TMEM243: variants seen among roughly 807,000 people sequenced by gnomAD.
TMEM243 encodes MDR1 and mitochondrial taxol resistance associated.
Under a neutral mutation model 15.0 loss-of-function variants are expected in TMEM243, and 20 were observed. That is an observed-to-expected ratio of 1.33 (90% CI 0.94 to 1.93). TMEM243 has a LOEUF of 1.93. Among genes scored for constraint, TMEM243 ranks in the 30% most tolerant of loss-of-function variants. The pLI is 0.00. For synonymous variants in TMEM243, 72 were observed against 52.7 expected, an observed-to-expected ratio of 1.37 and a Z score of -1.59; for missense variants, 156 against 142.1, an observed-to-expected ratio of 1.10 and a Z score of -0.50.
intron 1 of TMEM243, 80 bp from the exon 2 acceptor site, chr7:87,199,137 T>C: frequency 8.4e-7 from 1 of 1,186,830 alleles, no homozygotes; most frequent in South Asian, 1.5e-5. Flanking sequence ...GGCATTTGGA[T>C]GGTTTACTAT....
intron 1 of TMEM243, among the ~76,000 whole-genome samples, chr7:87,209,739 A>AGAGCGAGACACAGT: frequency 6.9e-6 from 1 of 144,850 alleles, no homozygotes; most frequent in South Asian, 2.2e-4. Context: ...AGACACAGTG[A>AGAGCGAGACACAGT]GAGCGAGACA....
rs1316157066 is a variant in TMEM243, at chr7:87,217,439, C to T, written c.78+1987G>A. 3.3e-5 allele frequency among the ~76,000 whole-genome samples: 5 copies of T among 152,316 alleles called. No homozygotes were observed. In the East Asian group the frequency reaches 9.6e-4, roughly 29 times the overall value. On this transcript the variant is annotated intron_variant, in intron 1 of 3. Transcript: ENST00000257637. Reference sequence around the variant, plus strand: ...ACCCTTTCACTATTGAGGCTCCATTCCTGGGCCTTACCCTCCTCAGGCCCT... The same window carrying T: ...ACCCTTTCACTATTGAGGCTCCATTTCTGGGCCTTACCCTCCTCAGGCCCT...
At position 87,219,266 on chromosome 7, in the gene TMEM243, T is replaced by C. The variant is rs181919082; in HGVS notation, c.78+160A>G. On this transcript the variant is annotated intron_variant, in intron 1 of 3. Transcript: ENST00000257637. ...AACCATGTCCCAAAGCAGGCGACGATTGGCCGGGCAAACATCTTGAGAGGG... is the reference window on the plus strand; with the variant it reads ...AACCATGTCCCAAAGCAGGCGACGACTGGCCGGGCAAACATCTTGAGAGGG... 5.1e-3 allele frequency among the ~76,000 whole-genome samples: 779 copies of C among 152,292 alleles called. 7 individuals carry two copies. The highest frequency in any genetic ancestry group is 7.6e-3 in the Non-Finnish European group (519 of 68,016).
chr7:87,207,732 T>C (rs914762825), intron 1 of TMEM243, among the ~76,000 whole-genome samples: 5 of 152,180 alleles, frequency 3.3e-5, no homozygotes, highest in Non-Finnish European at 7.3e-5. Flanking sequence ...TTCTAAACTT[T>C]CTATGTGATT....
intron 1 of TMEM243, among the ~76,000 whole-genome samples, chr7:87,214,285 C>G (rs1802956767): frequency 1.3e-5 from 2 of 152,194 alleles, no homozygotes; most frequent in Non-Finnish European, 2.9e-5. Flanking sequence ...ATTTAGTGCT[C>G]TTCTAACACA....
rs970736195 is a variant in TMEM243, at chr7:87,196,392, A to AT, written c.*243dup. 2.0e-5 allele frequency: 7 copies of AT among 346,774 alleles called. No individual in the cohort carries two copies. The South Asian group carries it at 2.9e-4, about 14-fold the overall frequency. The allele number at this position is 346,774 out of a possible 1,614,324, so 21.5% of individuals were successfully genotyped here. On this transcript the variant is annotated 3_prime_UTR_variant, in exon 4 of 4. Transcript: ENST00000257637. ...ATAAAAATTTCATTTCAAAAGTGAA[A>AT]TTTTTTTGTGCTGTTTTAGCTTTAA...
chr7:87,219,379 A>G (rs760330920), intron 1 of TMEM243, 47 bp downstream of exon 1: 6 of 1,582,768 alleles, frequency 3.8e-6, no homozygotes, highest in Admixed American at 1.7e-5. Flanking sequence ...GAGGGCAGGC[A>G]GCAGACACAC....
At chr7:87,209,108 G>A (rs1299388074) in intron 1 of TMEM243, among the ~76,000 whole-genome samples, 1 of 152,176 alleles carries the variant, frequency 6.6e-6, no homozygotes, top group Non-Finnish European at 1.5e-5. Context: ...GCTTTCCTCA[G>A]GTTCCCAGTC....
At chr7:87,204,232 C>A (rs577808804) in intron 1 of TMEM243, among the ~76,000 whole-genome samples, 1 of 152,166 alleles carries the variant, frequency 6.6e-6, no homozygotes, top group Non-Finnish European at 1.5e-5. Context: ...CCACCAGGTC[C>A]CTCCCACAAC....
Position 87,197,992 on chromosome 7 carries a change from A to T in TMEM243, c.183T>A (p.Asn61Lys), listed in dbSNP as rs751211020. 16 of 1,612,890 alleles carry T rather than the reference A, an allele frequency of 9.9e-6. No homozygotes were observed. The highest frequency in any genetic ancestry group is 1.7e-5 in the Admixed American group (1 of 59,938). Residue 61 changes from asparagine (N) to lysine (K), a missense_variant, in exon 3 of 4, where the codon AAT becomes AAA. Coordinates refer to ENST00000257637, the MANE Select transcript of TMEM243 (RefSeq NM_024315.4). ...AAGAGATGCAGACAGCAAAGAATAT[A>T]TTCAACGGTTTTGGAGGTAGTTGAG... ...VFPQLPPKPL[N>K]IFFAVCISLS...
Position 87,196,648 on chromosome 7 carries a change from A to G in TMEM243, c.345T>C (p.Asp115=), listed in dbSNP as rs2129215784. 1 of 1,609,002 alleles carries G rather than the reference A, an allele frequency of 6.2e-7. No homozygotes were observed. The highest frequency in any genetic ancestry group is 8.5e-7 in the Non-Finnish European group (1 of 1,177,758). ...CTCCTTGGCAGCCTCACCTTCCCAC[A>G]TCATGGAAGTACAGGTTTGCACATA... ...LCICANLYFH[D]VGR The change falls in exon 4 of 4, where the codon GAT becomes GAC. Residue 115 remains aspartate (D), a synonymous_variant. Coordinates refer to ENST00000257637, the MANE Select transcript of TMEM243 (RefSeq NM_024315.4).
intron 1 of TMEM243, among the ~76,000 whole-genome samples, chr7:87,209,352 G>A (rs1045461599): frequency 6.6e-6 from 1 of 151,368 alleles, no homozygotes; most frequent in Non-Finnish European, 1.5e-5. Context: ...GAGGTTGAGA[G>A]GGGGGAAGAA....
chr7:87,199,291 C>G, intron 1 of TMEM243: 1 of 436,132 alleles, frequency 2.3e-6, no homozygotes, highest in Non-Finnish European at 4.1e-6. Context: ...AACATTTATA[C>G]TAGAGTCTTG....
At chr7:87,211,380 T>C (rs1054880821) in intron 1 of TMEM243, among the ~76,000 whole-genome samples, 5 of 152,148 alleles carry the variant, frequency 3.3e-5, no homozygotes, top group African/African-American at 9.7e-5. Flanking sequence ...GAGCAGGTAT[T>C]AAATGCCCAA....
intron 2 of TMEM243, 154 bp downstream of exon 2, chr7:87,198,853 C>T (rs1375093868): frequency 1.8e-5 from 11 of 599,828 alleles, no homozygotes; most frequent in Non-Finnish European, 2.6e-5. Flanking sequence ...GGGGGTGGGG[C>T]AGAATTAAAT....
chr7:87,198,179 G>A (rs1346572914), intron 2 of TMEM243, 134 bp from the exon 3 acceptor site: 3 of 655,916 alleles, frequency 4.6e-6, no homozygotes, highest in East Asian at 2.8e-5. Context: ...TTGCTTTCTA[G>A]AATGTTAATA....
At chr7:87,210,515 C>A (rs1445350604) in intron 1 of TMEM243, among the ~76,000 whole-genome samples, 1 of 152,220 alleles carries the variant, frequency 6.6e-6, no homozygotes. Context: ...ATTGGGTAAA[C>A]AGACCCATTC....
chr7:87,199,544 A>G (rs902539725), intron 1 of TMEM243: 1 of 152,798 alleles, frequency 6.5e-6, no homozygotes, highest in Non-Finnish European at 1.5e-5. Context: ...GATGGGTCCT[A>G]GAGTGCCAAG....
At chr7:87,217,253 A>G (rs1803179992) in intron 1 of TMEM243, among the ~76,000 whole-genome samples, 1 of 152,218 alleles carries the variant, frequency 6.6e-6, no homozygotes, top group Non-Finnish European at 1.5e-5. Context: ...ACTAACAGCA[A>G]GTTTCCACTG....
Sources: allele counts gnomAD v4.1 joint callset (sites outside exome capture counted in the v4.1 genomes callset), GRCh38; gene constraint gnomAD v4.1.1; transcripts MANE v1.5; gene names NCBI Gene and HGNC (gene_info 2026-07-23, HGNC 2026-07-21).